IGF1R: variants seen among roughly 807,000 people sequenced by gnomAD.
IGF1R encodes the protein insulin like growth factor 1 receptor.
In IGF1R, 44 loss-of-function variants were observed where a neutral mutation model predicts 144.6. The ratio of observed to expected loss-of-function variants is 0.30; its 90% CI spans 0.24 to 0.39. The LOEUF (loss-of-function observed/expected upper bound fraction) is 0.39. Among genes scored for constraint, IGF1R ranks in the 10% least tolerant of loss-of-function variants. The pLI, the probability that IGF1R is intolerant of heterozygous loss-of-function variation, is 1.00. For missense variants in IGF1R, 1,355 were observed against 1,833.7 expected (o/e 0.74, Z 4.77); for synonymous variants, 795 against 722.8 (o/e 1.10, Z -1.60).
intron 1 of IGF1R, among the ~76,000 whole-genome samples, chr15:98,653,982 C>G (rs538172101): frequency 3.2e-4 from 48 of 152,364 alleles, no homozygotes; most frequent in African/African-American, 1.1e-3. Flanking sequence ...GAAAGCTGAC[C>G]TTGTGCTACT....
At chr15:98,907,012 T>C (rs2151667711) in intron 5 of IGF1R, among the ~76,000 whole-genome samples, 1 of 152,344 alleles carries the variant, frequency 6.6e-6, no homozygotes, top group Middle Eastern at 3.4e-3. Flanking sequence ...TGTGACTCCT[T>C]CTGGTCGTTC....
intron 2 of IGF1R, among the ~76,000 whole-genome samples, chr15:98,815,254 G>C (rs566774042): frequency 6.6e-6 from 1 of 152,350 alleles, no homozygotes; most frequent in Non-Finnish European, 1.5e-5. Context: ...TTCTGGATGA[G>C]GTCGAAAGGC....
chr15:98,650,313 G>A (rs1456168784), intron 1 of IGF1R, among the ~76,000 whole-genome samples: 1 of 152,224 alleles, frequency 6.6e-6, no homozygotes, highest in African/African-American at 2.4e-5. Context: ...TCCTGGCCTT[G>A]CCCGTCACTT....
intron 2 of IGF1R, among the ~76,000 whole-genome samples, chr15:98,846,780 A>G (rs2011345401): frequency 6.6e-6 from 1 of 152,254 alleles, no homozygotes; most frequent in African/African-American, 2.4e-5. Flanking sequence ...CATCCACCCA[A>G]GATTAATGTT....
intron 2 of IGF1R, among the ~76,000 whole-genome samples, chr15:98,871,172 T>C (rs1596379563): frequency 1.3e-5 from 2 of 152,388 alleles, no homozygotes; most frequent in South Asian, 4.1e-4. Context: ...GGCAGATATT[T>C]AGACCCAGCT....
At chr15:98,908,081 A>G (rs931735567) in intron 5 of IGF1R, among the ~76,000 whole-genome samples, 5 of 152,228 alleles carry the variant, frequency 3.3e-5, no homozygotes, top group Admixed American at 6.5e-5. Context: ...GCCCAAGAGC[A>G]CTGCATGTTA....
At chr15:98,860,439 A>G (rs2012086056) in intron 2 of IGF1R, among the ~76,000 whole-genome samples, 1 of 152,230 alleles carries the variant, frequency 6.6e-6, no homozygotes, top group Non-Finnish European at 1.5e-5. Flanking sequence ...AGATCGAGCA[A>G]TGACCAGATG....
chr15:98,886,704 C>T (rs917821336), intron 2 of IGF1R, among the ~76,000 whole-genome samples: 1 of 152,160 alleles, frequency 6.6e-6, no homozygotes, highest in South Asian at 2.1e-4. Flanking sequence ...CATCCATCTG[C>T]TGGCGAGACA....
intron 2 of IGF1R, among the ~76,000 whole-genome samples, chr15:98,766,574 G>T (rs1003519904): frequency 6.6e-6 from 1 of 152,022 alleles, no homozygotes; most frequent in Non-Finnish European, 1.5e-5. Context: ...GTTGAGTTGG[G>T]GATTGGATAA....
chr15:98,900,552 G>T (rs1188765551), intron 5 of IGF1R: 2 of 152,254 alleles, frequency 1.3e-5, no homozygotes, highest in African/African-American at 4.8e-5. Flanking sequence ...CTCTTGGTCA[G>T]TCTTAAATTC....
At position 98,963,184 on chromosome 15, in the gene IGF1R, CTG is replaced by C. The variant is rs35664387; in HGVS notation, c.*5749_*5750del. 1,091 of 222,344 alleles carry C rather than the reference CTG, an allele frequency of 4.9e-3. 11 individuals carry two copies. The highest frequency in any genetic ancestry group is 0.024 in the African/African-American group (1,024 of 42,394). The allele number at this position is 222,344 out of a possible 1,614,324, so 13.8% of individuals were successfully genotyped here. On this transcript the variant is annotated 3_prime_UTR_variant, in exon 21 of 21. Coordinates refer to ENST00000650285, the MANE Select transcript of IGF1R (RefSeq NM_000875.5). ...TAATTTAAAGACACTTTTTTTTTCT[CTG>C]TGTGTGCAAATGTGTGTTTGTGATC...
rs1157377796 is a variant in IGF1R, at chr15:98,704,489, G to A, written c.95-3073G>A. Among the ~76,000 whole-genome samples, 2 of 152,168 alleles carry A rather than the reference G, an allele frequency of 1.3e-5. No individual in the cohort carries two copies. Among genetic ancestry groups the A allele is most frequent in the African/African-American group, 2.4e-5 (1 of 41,432 alleles). ...TGGTGTTGGGACAGGGACGGACCGTGAGGAGGCTGGATCATGGGGAATGTG... is the reference window on the plus strand; with the variant it reads ...TGGTGTTGGGACAGGGACGGACCGTAAGGAGGCTGGATCATGGGGAATGTG... On this transcript the variant is annotated intron_variant, in intron 1 of 20. Transcript: ENST00000650285. This position sits in a 1 kb window ranked among gnomAD's most constrained non-coding sequence, Gnocchi z 4.9.
intron 4 of IGF1R, among the ~76,000 whole-genome samples, chr15:98,898,849 T>G (rs2014330775): frequency 6.6e-6 from 1 of 151,422 alleles, no homozygotes; most frequent in South Asian, 2.1e-4. Context: ...TATTAGCAAC[T>G]ATTTTTCCAA....
chr15:98,903,922 A>G (rs987682659), intron 5 of IGF1R, among the ~76,000 whole-genome samples: 2 of 152,222 alleles, frequency 1.3e-5, no homozygotes, highest in Non-Finnish European at 2.9e-5. Flanking sequence ...GGCTGCAAGG[A>G]AGAGGTGGAG....
At chr15:98,867,772 TA>T (rs1292640331) in intron 2 of IGF1R, among the ~76,000 whole-genome samples, 2 of 152,370 alleles carry the variant, frequency 1.3e-5, no homozygotes, top group South Asian at 2.1e-4. Context: ...CCATTGTGAT[TA>T]AACACTATGT....
intron 2 of IGF1R, among the ~76,000 whole-genome samples, chr15:98,870,216 C>A (rs1436649281): frequency 6.6e-6 from 1 of 152,274 alleles, no homozygotes; most frequent in East Asian, 1.9e-4. Flanking sequence ...GAACTCTTTT[C>A]ATCTCGCACA....
At chr15:98,715,200 C>G (rs922323444) in intron 2 of IGF1R, among the ~76,000 whole-genome samples, 1 of 152,142 alleles carries the variant, frequency 6.6e-6, no homozygotes, top group African/African-American at 2.4e-5. Context: ...CGCTTGTTGC[C>G]GAGATGGTGA....
At chr15:98,849,073 A>G (rs148255868) in intron 2 of IGF1R, among the ~76,000 whole-genome samples, 1,640 of 152,338 alleles carry the variant, frequency 0.011, 20 homozygotes, top group Middle Eastern at 0.031. Flanking sequence ...TTCTGAGGTT[A>G]TCATTAAAAC....
chr15:98,681,332 C>G (rs2053184443), intron 1 of IGF1R, among the ~76,000 whole-genome samples: 1 of 152,156 alleles, frequency 6.6e-6, no homozygotes, highest in African/African-American at 2.4e-5. Flanking sequence ...GTTCTTGCTT[C>G]TCTGCTTGTG....
Sources: allele counts gnomAD v4.1 joint callset (sites outside exome capture counted in the v4.1 genomes callset), GRCh38; gene constraint gnomAD v4.1.1; non-coding constraint Gnocchi (gnomAD v3.1); transcripts MANE v1.5; gene names NCBI Gene and HGNC (gene_info 2026-07-23, HGNC 2026-07-21).